Variants in CLCN3 observed in about 807,000 individuals in gnomAD.
CLCN3 encodes the protein Cl-/H+ antiporter 3.
Under a neutral mutation model 83.4 loss-of-function variants are expected in CLCN3, and 16 were observed. The observed-to-expected ratio is 0.19, with a 90% CI of 0.13 to 0.29. CLCN3 has a LOEUF of 0.29. Among genes scored for constraint, CLCN3 ranks in the 10% least tolerant of loss-of-function variants. The pLI is 1.00. For missense variants in CLCN3, 544 were observed against 1,006.0 expected (o/e 0.54, Z 6.21); for synonymous variants, 322 against 346.2 (o/e 0.93, Z 0.78).
At chr4:169,649,593 A>G (rs549462582) in intron 2 of CLCN3, among the ~76,000 whole-genome samples, 1 of 152,326 alleles carries the variant, frequency 6.6e-6, no homozygotes, top group South Asian at 2.1e-4. Flanking sequence ...TATAAGGATA[A>G]ATGTTCTGTA....
chr4:169,665,833 ACT>A (rs1220074163), intron 2 of CLCN3, among the ~76,000 whole-genome samples: 2 of 152,104 alleles, frequency 1.3e-5, no homozygotes, highest in Non-Finnish European at 1.5e-5. Context: ...GTAATAAGTA[ACT>A]CTTTTTAAAT....
intron 8 of CLCN3, 74 bp downstream of exon 8, chr4:169,695,766 T>C: frequency 9.8e-7 from 1 of 1,022,402 alleles, no homozygotes; most frequent in Non-Finnish European, 1.5e-6. Flanking sequence ...ATTTCAGTTT[T>C]GTAGGTGATG....
In CLCN3 at chr4:169,655,874, G is replaced by A. The variant is rs189630790; in HGVS notation, c.160+19786G>A. Among the ~76,000 whole-genome samples the A allele has an allele frequency of 4.7e-4, 72 of 152,210 alleles. 1 individual carries two copies. In the East Asian group the frequency reaches 7.1e-3, roughly 15 times the overall value. ...CCTGTGATATGTTATTTGGGTAACC[G>A]GATAGCTATATTGGAAACTAAAACT... is the stretch of plus-strand genomic sequence containing the variant. On this transcript the variant is annotated intron_variant, in intron 2 of 12. Coordinates refer to ENST00000513761, the MANE Select transcript of CLCN3 (RefSeq NM_001829.4).
chr4:169,660,406 G>T, intron 2 of CLCN3: 2 of 1,404,666 alleles, frequency 1.4e-6, no homozygotes, highest in East Asian at 2.8e-5. Context: ...GCCTTATGAC[G>T]GGGGAGGAGA....
chr4:169,662,684 A>C (rs1731098686), intron 2 of CLCN3: 1 of 152,200 alleles, frequency 6.6e-6, no homozygotes, highest in South Asian at 2.1e-4. Context: ...TTGTTGAGTA[A>C]ATTGAATTTA....
Position 169,704,200 on chromosome 4 carries a change from C to A in CLCN3, c.1750+16C>A. 1.2e-6 allele frequency: 2 copies of A among 1,602,508 alleles called. No homozygotes were observed. Among genetic ancestry groups the A allele is most frequent in the South Asian group, 1.1e-5 (1 of 90,316 alleles). ...GCATGCTTAGGTAATATGGCTGTGT[C>A]TGCCTGTGTGTGGATGTTTGCAAGT... On this transcript the variant is annotated intron_variant, in intron 10 of 12. Transcript: ENST00000513761.
Position 169,720,699 on chromosome 4 carries a change from C to G in CLCN3, c.*702C>G, listed in dbSNP as rs1208550995. On this transcript the variant is annotated 3_prime_UTR_variant, in exon 13 of 13. Coordinates refer to ENST00000513761, the MANE Select transcript of CLCN3 (RefSeq NM_001829.4). ...TGTGCCATTAACCATGTAGTTTGTA[C>G]CATCACTAAATGCTTGGAACAGTAC... 1 of 152,552 alleles carries G rather than the reference C, an allele frequency of 6.6e-6. No individual in the cohort carries two copies. Among genetic ancestry groups the G allele is most frequent in the Non-Finnish European group, 1.5e-5 (1 of 68,052 alleles). The allele number at this position is 152,552 out of a possible 1,614,324, so 9.4% of individuals were successfully genotyped here.
chr4:169,645,348 A>G (rs1423781226), intron 2 of CLCN3, among the ~76,000 whole-genome samples: 1 of 152,216 alleles, frequency 6.6e-6, no homozygotes, highest in African/African-American at 2.4e-5. Context: ...ATTCTCTTCA[A>G]ATATTATATA....
chr4:169,692,762 G>C (rs982969319), intron 7 of CLCN3, among the ~76,000 whole-genome samples: 1 of 152,194 alleles, frequency 6.6e-6, no homozygotes, highest in Non-Finnish European at 1.5e-5. Flanking sequence ...GCTATCCAGT[G>C]CTATGGGGAA....
chr4:169,658,934 T>G (rs534157340), intron 2 of CLCN3, among the ~76,000 whole-genome samples: 1 of 152,208 alleles, frequency 6.6e-6, no homozygotes, highest in South Asian at 2.1e-4. Flanking sequence ...AAAAAGACCC[T>G]AAATAAGTAA....
At position 169,680,177 on chromosome 4, in the gene CLCN3, A is replaced by G; in HGVS notation, c.288A>G (p.Glu96=). The change falls in exon 3 of 13, where the codon GAA becomes GAG. Residue 96 remains glutamate, a synonymous_variant. Coordinates refer to ENST00000513761, the MANE Select transcript of CLCN3 (RefSeq NM_001829.4). ...TCCATACTATTGATTGGGTGCGAGA[A>G]AAATGTAAAGACAGAGAAAGGCATA... is the stretch of plus-strand genomic sequence containing the variant. The part of the protein sequence containing the change: ...DDFHTIDWVR[E]KCKDRERHRR... 3.1e-6 allele frequency: 5 copies of G among 1,614,018 alleles called. No individual in the cohort carries two copies. The highest frequency in any genetic ancestry group is 4.2e-6 in the Non-Finnish European group (5 of 1,179,928).
Position 169,690,636 on chromosome 4 carries a change from G to T in CLCN3, c.713G>T (p.Gly238Val), listed in dbSNP as rs1732330986. ...AAGGTATTTGCTCCATATGCCTGTG[G>T]CTCTGGAATTCCAGAGGTAAGCCAA... ...LVKVFAPYACGSGIPEIKTIL... is the reference protein window; with the variant it reads ...LVKVFAPYACVSGIPEIKTIL... Residue 238 changes from glycine (G) to valine (V), a missense_variant, in exon 6 of 13, where the codon GGC becomes GTC. Physicochemically the swap from Gly to Val is moderately radical, Grantham distance 109 (BLOSUM62 -3). This residue lies in a region of CLCN3 where 96 missense variants were observed against 202.1 expected (regional missense o/e 0.48). Transcript: ENST00000513761. 3 of 1,612,266 alleles carry T rather than the reference G, an allele frequency of 1.9e-6. No homozygotes were observed. Among genetic ancestry groups the T allele is most frequent in the Non-Finnish European group, 2.5e-6 (3 of 1,179,184 alleles).
At chr4:169,691,063 A>G (rs1449797487) in intron 6 of CLCN3, among the ~76,000 whole-genome samples, 1 of 152,058 alleles carries the variant, frequency 6.6e-6, no homozygotes, top group Non-Finnish European at 1.5e-5. Context: ...CAGTGGCGCA[A>G]TCTCAGCTCA....
At chr4:169,678,753 A>G in intron 2 of CLCN3, among the ~76,000 whole-genome samples, 1 of 152,378 alleles carries the variant, frequency 6.6e-6, no homozygotes, top group African/African-American at 2.4e-5. Context: ...ATGGATTAAC[A>G]GCATCCCAAG....
At chr4:169,709,478 G>T (rs1377105938) in intron 11 of CLCN3, among the ~76,000 whole-genome samples, 1 of 152,052 alleles carries the variant, frequency 6.6e-6, no homozygotes, top group Non-Finnish European at 1.5e-5. Context: ...GAGGCCAGGA[G>T]TTTGAGACCA....
intron 9 of CLCN3, among the ~76,000 whole-genome samples, chr4:169,702,980 A>G (rs1732856442): frequency 6.6e-6 from 1 of 152,246 alleles, no homozygotes; most frequent in East Asian, 1.9e-4. Flanking sequence ...AAGCCTGAGA[A>G]GAGGGAGAGA....
chr4:169,654,703 G>T (rs953958130), intron 2 of CLCN3, among the ~76,000 whole-genome samples: 3 of 151,966 alleles, frequency 2.0e-5, no homozygotes, highest in African/African-American at 7.2e-5. Context: ...ATTGCATCGC[G>T]GTCCGGGAAT....
chr4:169,680,140 C>T lies in CLCN3; in HGVS notation c.251C>T (p.Thr84Ile). ...LLDEPIPGVG[T>I]YDDFHTIDWV... ...GATGAACCAATTCCAGGTGTTGGTA[C>T]ATATGATGATTTCCATACTATTGAT... Residue 84 changes from threonine (T) to isoleucine (I), a missense_variant, in exon 3 of 13, where the codon ACA becomes ATA. Around this residue, in one of 6 missense-constraint regions of CLCN3, gnomAD observed 96 missense variants for 202.1 expected, o/e 0.48. Coordinates refer to ENST00000513761, the MANE Select transcript of CLCN3 (RefSeq NM_001829.4). 6.2e-7 allele frequency: 1 copy of T among 1,612,872 alleles called. No individual in the cohort carries two copies. Among genetic ancestry groups the T allele is most frequent in the Non-Finnish European group, 8.5e-7 (1 of 1,178,898 alleles).
chr4:169,660,599 C>T (rs1300835890), intron 2 of CLCN3, among the ~76,000 whole-genome samples: 1 of 152,106 alleles, frequency 6.6e-6, no homozygotes, highest in Non-Finnish European at 1.5e-5. Flanking sequence ...AAAATGCAAC[C>T]TTCTGAATGG....
Sources: allele counts gnomAD v4.1 joint callset (sites outside exome capture counted in the v4.1 genomes callset), GRCh38; gene constraint gnomAD v4.1.1; regional missense constraint gnomAD v4.1.1; transcripts MANE v1.5; gene names NCBI Gene and HGNC (gene_info 2026-07-23, HGNC 2026-07-21).